Variants in TPP2 observed in about 807,000 individuals in gnomAD.
The protein encoded by TPP2 is tripeptidyl peptidase 2.
TPP2 carries 34 observed loss-of-function variants against 155.9 expected under a neutral mutation model. That is an observed-to-expected ratio of 0.22 (90% CI 0.17 to 0.29). The LOEUF is 0.29. Among genes scored for constraint, TPP2 ranks in the 10% least tolerant of loss-of-function variants. The pLI, the probability that TPP2 is intolerant of heterozygous loss-of-function variation, is 1.00. For synonymous variants in TPP2, 510 were observed against 529.4 expected, an observed-to-expected ratio of 0.96 and a Z score of 0.50; for missense variants, 1,028 against 1,522.3, an observed-to-expected ratio of 0.68 and a Z score of 5.40.
chr13:102,678,023 A>ACAAC (rs1247307929), intron 29 of TPP2, among the ~76,000 whole-genome samples: 1 of 152,156 alleles, frequency 6.6e-6, no homozygotes, highest in African/African-American at 2.4e-5. Context: ...TGAGAACAAT[A>ACAAC]GGTTGGTTGG....
At chr13:102,667,504 G>A (rs887695379) in intron 27 of TPP2, among the ~76,000 whole-genome samples, 14 of 152,106 alleles carry the variant, frequency 9.2e-5, no homozygotes, top group Non-Finnish European at 1.6e-4. Context: ...TGAAATACAA[G>A]TATTTTTAAA....
intron 27 of TPP2, among the ~76,000 whole-genome samples, chr13:102,668,529 A>G (rs2139603804): frequency 6.6e-6 from 1 of 152,310 alleles, no homozygotes; most frequent in African/African-American, 2.4e-5. Flanking sequence ...AAGGAGTGAC[A>G]TGTAGTGTTT....
intron 27 of TPP2, among the ~76,000 whole-genome samples, chr13:102,669,876 C>T (rs766963763): frequency 1.3e-5 from 2 of 152,076 alleles, no homozygotes; most frequent in Non-Finnish European, 2.9e-5. Flanking sequence ...TACATTGATC[C>T]ACCGATTGCT....
At chr13:102,655,186 G>C (rs1883774690) in intron 24 of TPP2, among the ~76,000 whole-genome samples, 1 of 152,300 alleles carries the variant, frequency 6.6e-6, no homozygotes, top group Middle Eastern at 3.4e-3. Context: ...TACAACCATA[G>C]TTCCTGTTGT....
At chr13:102,624,632 A>G (rs1225721080) in intron 6 of TPP2, among the ~76,000 whole-genome samples, 1 of 152,096 alleles carries the variant, frequency 6.6e-6, no homozygotes, top group East Asian at 1.9e-4. Context: ...ACTCAGCATA[A>G]TGATTTTGAG....
chr13:102,624,922 C>T (rs1463659395), intron 6 of TPP2, among the ~76,000 whole-genome samples: 6 of 137,572 alleles, frequency 4.4e-5, no homozygotes, highest in Non-Finnish European at 9.2e-5. Flanking sequence ...ACAGGTGGCA[C>T]GGTCTCGGCT....
intron 24 of TPP2, among the ~76,000 whole-genome samples, chr13:102,653,649 G>A (rs1883661514): frequency 6.6e-6 from 1 of 152,148 alleles, no homozygotes; most frequent in African/African-American, 2.4e-5. Context: ...TCCTGGCTCA[G>A]CCTCCCAAAA....
intron 1 of TPP2, among the ~76,000 whole-genome samples, chr13:102,600,733 G>A (rs540299128): frequency 9.9e-5 from 15 of 152,152 alleles, no homozygotes; most frequent in Non-Finnish European, 1.9e-4. Context: ...AAAGGTTTGA[G>A]GAGGTTACGA....
At position 102,669,331 on chromosome 13, in the gene TPP2, G is replaced by A. The variant is rs538392330; in HGVS notation, c.3371+4406G>A. Among the ~76,000 whole-genome samples, 69 of 152,302 alleles carry A rather than the reference G, an allele frequency of 4.5e-4. 1 individual carries two copies. The highest frequency in any genetic ancestry group is 7.7e-4 in the East Asian group (4 of 5,180). On this transcript the variant is annotated intron_variant, in intron 27 of 29. Transcript: ENST00000376052. ...CCTGTCCTTGGGGGTTGTGAGGGATGCCTGTGGATTGTTGGATGTTCCACA... is the reference window on the plus strand; with the variant it reads ...CCTGTCCTTGGGGGTTGTGAGGGATACCTGTGGATTGTTGGATGTTCCACA...
chr13:102,651,309 C>T (rs754957635), intron 23 of TPP2, 50 bp from the exon 24 acceptor site: 3 of 1,551,756 alleles, frequency 1.9e-6, no homozygotes, highest in Non-Finnish European at 2.6e-6. Context: ...CTGTCTCCAT[C>T]CTGTGTAGAT....
chr13:102,636,130 G>A lies in TPP2; in HGVS notation c.1510-94G>A, dbSNP rs1882362262. ...AGGTGAATATAGACACTAACTTTTT[G>A]TTTTACAACTGAAATCAAATTGATT... On this transcript the variant is annotated intron_variant, in intron 12 of 29. Coordinates refer to ENST00000376052, the MANE Select transcript of TPP2 (RefSeq NM_001330588.2). 4 of 1,301,082 alleles carry A rather than the reference G, an allele frequency of 3.1e-6. No homozygotes were observed. In the Admixed American group the frequency reaches 8.0e-5, roughly 26 times the overall value. The allele number at this position is 1,301,082 out of a possible 1,614,324, so 80.6% of individuals were successfully genotyped here.
At chr13:102,636,813 T>A (rs1217044155) in intron 13 of TPP2, among the ~76,000 whole-genome samples, 1 of 152,224 alleles carries the variant, frequency 6.6e-6, no homozygotes, top group Admixed American at 6.5e-5. Flanking sequence ...TCATTTCAGT[T>A]GAATACTATG....
chr13:102,644,003 A>T (rs1270421176), intron 17 of TPP2, among the ~76,000 whole-genome samples: 5 of 151,996 alleles, frequency 3.3e-5, no homozygotes, highest in African/African-American at 1.2e-4. Flanking sequence ...ATCTTTTTAA[A>T]CTTTTAAATC....
chr13:102,665,144 A>G (rs1043055547), intron 27 of TPP2, among the ~76,000 whole-genome samples: 4 of 152,162 alleles, frequency 2.6e-5, no homozygotes, highest in African/African-American at 9.7e-5. Context: ...TGCCTTCTCT[A>G]CTGTTAAGTG....
At chr13:102,649,998 A>C (rs1306161938) in intron 23 of TPP2, among the ~76,000 whole-genome samples, 1 of 152,266 alleles carries the variant, frequency 6.6e-6, no homozygotes, top group Non-Finnish European at 1.5e-5. Flanking sequence ...TCACATGGTT[A>C]AGTAGGAAAA....
intron 1 of TPP2, among the ~76,000 whole-genome samples, chr13:102,601,422 T>C (rs1278790091): frequency 2.0e-5 from 3 of 152,206 alleles, no homozygotes; most frequent in Non-Finnish European, 2.9e-5. Flanking sequence ...TGCAAATGTT[T>C]GGCAAATCTT....
chr13:102,653,150 G>T (rs1437525655), intron 24 of TPP2, among the ~76,000 whole-genome samples: 1 of 152,110 alleles, frequency 6.6e-6, no homozygotes, highest in African/African-American at 2.4e-5. Context: ...ATCTCTGCTC[G>T]TTCCTTTCTG....
chr13:102,613,842 T>C (rs1306053070), intron 2 of TPP2, among the ~76,000 whole-genome samples: 6 of 152,214 alleles, frequency 3.9e-5, no homozygotes, highest in African/African-American at 7.2e-5. Flanking sequence ...AGATAGTGTA[T>C]GTTGAAAGCA....
intron 21 of TPP2, 113 bp from the exon 22 acceptor site, chr13:102,648,794 C>T (rs1332193546): frequency 2.2e-6 from 3 of 1,375,546 alleles, no homozygotes; most frequent in Admixed American, 2.7e-5. Context: ...TGCACTGTAC[C>T]TCACATATTA....
Sources: allele counts gnomAD v4.1 joint callset (sites outside exome capture counted in the v4.1 genomes callset), GRCh38; gene constraint gnomAD v4.1.1; transcripts MANE v1.5; gene names NCBI Gene and HGNC (gene_info 2026-07-23, HGNC 2026-07-21).